Variants in PRELID2 observed in about 807,000 individuals in gnomAD.
PRELID2 encodes the protein PRELI domain-containing protein 2.
In PRELID2, 25 loss-of-function variants were observed where a neutral mutation model predicts 28.4. The observed-to-expected ratio is 0.88, with a 90% confidence interval of 0.64 to 1.23. The LOEUF is 1.23. PRELID2 is among the 50% of genes most tolerant of loss of function. The pLI is 0.00. For synonymous variants in PRELID2, 76 were observed against 71.6 expected (o/e 1.06, Z -0.31); for missense variants, 201 against 214.4 (o/e 0.94, Z 0.39).
chr5:145,630,985 G>T (rs192294382), intron 1 of PRELID2, among the ~76,000 whole-genome samples: 2 of 152,164 alleles, frequency 1.3e-5, no homozygotes, highest in Non-Finnish European at 1.5e-5. Context: ...AATTTCTCTA[G>T]GACTCAACTT....
intron 1 of PRELID2, among the ~76,000 whole-genome samples, chr5:145,525,962 T>C (rs550786371): frequency 5.3e-5 from 8 of 152,172 alleles, no homozygotes; most frequent in Non-Finnish European, 1.2e-4. Context: ...TTCATGTACT[T>C]CTAAGCACCC....
At chr5:145,512,268 G>T (rs1358721282) in intron 1 of PRELID2, among the ~76,000 whole-genome samples, 1 of 152,152 alleles carries the variant, frequency 6.6e-6, no homozygotes, top group Non-Finnish European at 1.5e-5. Context: ...AATCTAATTG[G>T]GACTGGTTAG....
intron 1 of PRELID2, among the ~76,000 whole-genome samples, chr5:145,535,258 T>A (rs778549517): frequency 2.0e-5 from 3 of 151,926 alleles, no homozygotes; most frequent in Non-Finnish European, 4.4e-5. Context: ...TTCAGAGAAT[T>A]TTTGGAGATT....
chr5:145,674,208 C>T (rs980550417), intron 1 of PRELID2, among the ~76,000 whole-genome samples: 11 of 152,042 alleles, frequency 7.2e-5, no homozygotes, highest in South Asian at 2.1e-4. Context: ...ATGCGCACAA[C>T]GTGCAGGTTT....
chr5:145,384,396 T>A, the PRELID2 span, among the ~76,000 whole-genome samples: 1 of 152,158 alleles, frequency 6.6e-6, no homozygotes, highest in East Asian at 1.9e-4. Flanking sequence ...CTCTAATATA[T>A]TCATACAATG....
chr5:145,827,431 G>T (rs1755268255), intron 1 of PRELID2, among the ~76,000 whole-genome samples: 1 of 152,148 alleles, frequency 6.6e-6, no homozygotes, highest in Admixed American at 6.5e-5. Context: ...ATAGGATGAT[G>T]AAATAGAAAG....
intron 1 of PRELID2, among the ~76,000 whole-genome samples, chr5:145,827,494 G>A (rs918852872): frequency 6.6e-6 from 1 of 152,166 alleles, no homozygotes; most frequent in African/African-American, 2.4e-5. Flanking sequence ...CATCTGTGAG[G>A]TCGGGGTGAT....
chr5:145,315,312 C>T, the PRELID2 span, among the ~76,000 whole-genome samples: 2 of 152,052 alleles, frequency 1.3e-5, no homozygotes, highest in Non-Finnish European at 2.9e-5. Context: ...TCGTGATCTG[C>T]CCGCCTCGGC....
chr5:145,621,750 G>A (rs184789895), intron 1 of PRELID2, among the ~76,000 whole-genome samples: 2 of 152,236 alleles, frequency 1.3e-5, no homozygotes, highest in Non-Finnish European at 2.9e-5. Context: ...AGCTAGATTG[G>A]AGGAATAACT....
At chr5:145,522,241 C>T (rs920445696) in intron 1 of PRELID2, among the ~76,000 whole-genome samples, 11 of 152,126 alleles carry the variant, frequency 7.2e-5, no homozygotes, top group Non-Finnish European at 8.8e-5. Flanking sequence ...CTATATCTAT[C>T]CAGTCCCTTT....
intron 1 of PRELID2, among the ~76,000 whole-genome samples, chr5:145,543,583 T>C (rs930787914): frequency 2.0e-5 from 3 of 152,166 alleles, no homozygotes; most frequent in African/African-American, 7.2e-5. Context: ...AGAACTGAAA[T>C]ATTTTCCTTC....
the PRELID2 span, among the ~76,000 whole-genome samples, chr5:145,419,691 T>C: frequency 6.6e-6 from 1 of 152,298 alleles, no homozygotes; most frequent in South Asian, 2.1e-4. Flanking sequence ...GCCTGTTCAC[T>C]CTGATGGTAG....
At chr5:145,564,773 C>A (rs536645975) in intron 1 of PRELID2, among the ~76,000 whole-genome samples, 134 of 152,224 alleles carry the variant, frequency 8.8e-4, no homozygotes, top group African/African-American at 2.8e-3. Flanking sequence ...TAAAAGATAA[C>A]CCCCCTTTCC....
At chr5:145,797,810 T>C (rs200155906) in intron 4 of PRELID2, among the ~76,000 whole-genome samples, 1 of 151,498 alleles carries the variant, frequency 6.6e-6, no homozygotes, top group Non-Finnish European at 1.5e-5. Context: ...AAGATCACAA[T>C]GCATGCAAAG....
chr5:145,425,771 G>A, the PRELID2 span, among the ~76,000 whole-genome samples: 29 of 151,978 alleles, frequency 1.9e-4, no homozygotes, highest in Admixed American at 1.4e-3. Context: ...GTTCTGGGGC[G>A]GGAATGACGA....
the PRELID2 span, among the ~76,000 whole-genome samples, chr5:145,364,805 C>A: frequency 3.3e-5 from 5 of 151,970 alleles, no homozygotes; most frequent in Non-Finnish European, 7.4e-5. Flanking sequence ...AGCACTGCCA[C>A]TTCTTTGATT....
At chr5:145,690,338 A>C (rs13362312) in intron 1 of PRELID2, among the ~76,000 whole-genome samples, 6,947 of 152,196 alleles carry the variant, frequency 0.046, 339 homozygotes, top group African/African-American at 0.12. Context: ...TGAAGTTCCA[A>C]TTCAGTTTAG....
the PRELID2 span, among the ~76,000 whole-genome samples, chr5:145,374,551 C>T: frequency 1.3e-5 from 2 of 152,104 alleles, no homozygotes; most frequent in South Asian, 2.1e-4. Flanking sequence ...GGGAAGTTTC[C>T]CTGGTTAATA....
chr5:145,394,312 C>T, the PRELID2 span, among the ~76,000 whole-genome samples: 1 of 151,754 alleles, frequency 6.6e-6, no homozygotes, highest in African/African-American at 2.4e-5. Flanking sequence ...AACCATCATT[C>T]TCAGCAAAAT....
Sources: allele counts gnomAD v4.1 joint callset (sites outside exome capture counted in the v4.1 genomes callset), GRCh38; gene constraint gnomAD v4.1.1; transcripts MANE v1.5; gene names NCBI Gene and HGNC (gene_info 2026-07-23, HGNC 2026-07-21).